The following EYA2 variants were observed in gnomAD, a reference collection of about 807,000 sequenced individuals.
The protein encoded by EYA2 is EYA transcriptional coactivator and phosphatase 2, also known as protein phosphatase EYA2.
In EYA2, 31 loss-of-function variants were observed where a neutral mutation model predicts 69.2. That is an observed-to-expected ratio of 0.45 (90% CI 0.34 to 0.60). The LOEUF (loss-of-function observed/expected upper bound fraction) is 0.60. EYA2 is among the 20% of genes least tolerant of loss of function. The pLI, the probability that EYA2 is intolerant of heterozygous loss-of-function variation, is 0.02. For synonymous variants in EYA2, 257 were observed against 279.4 expected (o/e 0.92, Z 0.80); for missense variants, 622 against 701.2 (o/e 0.89, Z 1.28).
chr20:47,006,087 C>G (rs1167735623), intron 4 of EYA2, among the ~76,000 whole-genome samples: 1 of 152,262 alleles, frequency 6.6e-6, no homozygotes, highest in Non-Finnish European at 1.5e-5. Flanking sequence ...CAGGCAGGCT[C>G]TCCCACTGTG....
intron 1 of EYA2, among the ~76,000 whole-genome samples, chr20:46,983,257 A>T (rs1008328198): frequency 6.6e-6 from 1 of 152,028 alleles, no homozygotes; most frequent in African/African-American, 2.4e-5. Context: ...GTCTTTTTGC[A>T]TGCCTGGTAA....
chr20:46,971,628 C>T (rs1980151541), intron 1 of EYA2, among the ~76,000 whole-genome samples: 1 of 152,240 alleles, frequency 6.6e-6, no homozygotes. Flanking sequence ...GATCACCTAA[C>T]AATCTCTACC....
intron 10 of EYA2, among the ~76,000 whole-genome samples, chr20:47,168,247 A>G (rs569310562): frequency 1.3e-5 from 2 of 151,888 alleles, no homozygotes; most frequent in South Asian, 4.2e-4. Context: ...GCTGGAGCAC[A>G]GTGGCGCGAT....
At chr20:47,100,334 C>G (rs913617144) in intron 9 of EYA2, among the ~76,000 whole-genome samples, 6 of 152,192 alleles carry the variant, frequency 3.9e-5, no homozygotes, top group Non-Finnish European at 8.8e-5. Flanking sequence ...CTGCATTCCC[C>G]TGGGGCCACA....
At chr20:47,110,596 T>A (rs960343030) in intron 9 of EYA2, among the ~76,000 whole-genome samples, 1 of 152,220 alleles carries the variant, frequency 6.6e-6, no homozygotes, top group Non-Finnish European at 1.5e-5. Flanking sequence ...ATTAAAAGCC[T>A]CTGGAATGAA....
At chr20:46,925,055 T>C (rs1249624474) in intron 1 of EYA2, among the ~76,000 whole-genome samples, 3 of 152,236 alleles carry the variant, frequency 2.0e-5, no homozygotes, top group Non-Finnish European at 4.4e-5. Flanking sequence ...ATTCTTTGGC[T>C]TGTAGCCATG....
At chr20:47,087,532 T>G (rs1307449876) in intron 7 of EYA2, among the ~76,000 whole-genome samples, 1 of 152,222 alleles carries the variant, frequency 6.6e-6, no homozygotes, top group Non-Finnish European at 1.5e-5. Flanking sequence ...CTGAGTTACC[T>G]CGTTAGCTAA....
At chr20:46,937,785 G>A (rs894568523) in intron 1 of EYA2, among the ~76,000 whole-genome samples, 7 of 151,276 alleles carry the variant, frequency 4.6e-5, no homozygotes, top group Admixed American at 4.0e-4. Flanking sequence ...TCAAAACCAA[G>A]AGAAGCTTGC....
intron 7 of EYA2, among the ~76,000 whole-genome samples, chr20:47,079,895 A>G (rs1274398071): frequency 6.6e-6 from 1 of 152,222 alleles, no homozygotes; most frequent in South Asian, 2.1e-4. Context: ...CATATTCCAT[A>G]AGGAATTTCT....
At chr20:47,109,165 C>A (rs770511989) in intron 9 of EYA2, among the ~76,000 whole-genome samples, 96 of 152,168 alleles carry the variant, frequency 6.3e-4, no homozygotes, top group Non-Finnish European at 2.4e-4. Context: ...CTGAAGAGAC[C>A]TGATTGCTTC....
At chr20:47,147,888 G>A (rs1322925989) in intron 10 of EYA2, among the ~76,000 whole-genome samples, 9 of 151,974 alleles carry the variant, frequency 5.9e-5, no homozygotes, top group African/African-American at 1.4e-4. Context: ...GTGAAACCCC[G>A]TCTTTACTAA....
chr20:47,105,020 CA>C (rs1568781051), intron 9 of EYA2, among the ~76,000 whole-genome samples: 1 of 152,086 alleles, frequency 6.6e-6, no homozygotes. Flanking sequence ...GACTCTATCT[CA>C]AAAATTTTTT....
chr20:47,061,298 A>G (rs2030873201), intron 5 of EYA2, among the ~76,000 whole-genome samples: 1 of 152,162 alleles, frequency 6.6e-6, no homozygotes. Context: ...AGGCCTAGGC[A>G]GGAGGATCCC....
At chr20:46,990,760 C>G (rs1328492276) in intron 2 of EYA2, among the ~76,000 whole-genome samples, 1 of 152,194 alleles carries the variant, frequency 6.6e-6, no homozygotes, top group Non-Finnish European at 1.5e-5. Context: ...GGGCTTAACC[C>G]TTTCTTTGGC....
At chr20:46,962,496 C>G in intron 1 of EYA2, among the ~76,000 whole-genome samples, 1 of 151,920 alleles carries the variant, frequency 6.6e-6, no homozygotes, top group African/African-American at 2.4e-5. Context: ...AAGATTGGGC[C>G]ATTCCACATA....
At chr20:46,924,451 G>A (rs911260226) in intron 1 of EYA2, among the ~76,000 whole-genome samples, 6 of 152,022 alleles carry the variant, frequency 3.9e-5, no homozygotes, top group Non-Finnish European at 5.9e-5. Flanking sequence ...TGGGTGGATC[G>A]CGAGGTCAGG....
intron 10 of EYA2, among the ~76,000 whole-genome samples, chr20:47,159,405 G>A (rs963991911): frequency 2.0e-5 from 3 of 151,836 alleles, no homozygotes; most frequent in South Asian, 4.2e-4. Context: ...CCTTCACACC[G>A]TCCTCAAAAG....
At chr20:47,003,665 A>G (rs780636506) in intron 3 of EYA2, among the ~76,000 whole-genome samples, 4 of 152,252 alleles carry the variant, frequency 2.6e-5, no homozygotes, top group Non-Finnish European at 4.4e-5. Context: ...AATTATATCC[A>G]TGGATCTGTG....
chr20:46,945,478 G>A (rs961453461), intron 1 of EYA2, among the ~76,000 whole-genome samples: 7 of 152,198 alleles, frequency 4.6e-5, no homozygotes, highest in African/African-American at 1.4e-4. Flanking sequence ...TTTGCTGGCC[G>A]CCTATGGAGT....
Sources: gnomAD v4.1 joint callset for allele counts (sites outside exome capture counted in the v4.1 genomes callset) on GRCh38, gnomAD v4.1.1 for gene constraint, MANE v1.5 for transcripts, NCBI Gene and HGNC (gene_info 2026-07-23, HGNC 2026-07-21) for gene names.